The following RHOXF1 variants were observed in gnomAD, a reference collection of about 807,000 sequenced individuals.
RHOXF1 encodes the protein PEPP subfamily gene 1.
In RHOXF1, 1 loss-of-function variant was observed where a neutral mutation model predicts 9.7. The observed-to-expected ratio is 0.10, with a 90% CI of 0.04 to 0.49. The LOEUF (loss-of-function observed/expected upper bound fraction) is 0.49. Ranked by LOEUF, RHOXF1 falls within the 20% of genes least tolerant of loss-of-function variation. The probability of loss-of-function intolerance (pLI) is 0.95; values close to 1 mark genes in which losing one functional copy is unlikely to be tolerated. For missense variants in RHOXF1, 179 were observed against 168.0 expected (o/e 1.07, Z -0.36); for synonymous variants, 72 against 70.2 (o/e 1.03, Z -0.13).
rs781915692 is a variant in RHOXF1 at position 120,115,455 on chromosome X, G to A, written c.398+10C>T. On this transcript the variant is annotated intron_variant, in intron 1 of 2. Transcript: ENST00000217999. ...TGGAGATCTCGTGGCTCCTGGAGCA[G>A]GCCACTTACCTTGTGGGCACATCAG... is the stretch of plus-strand genomic sequence containing the variant. 1.8e-6 allele frequency: 2 copies of A among 1,087,321 alleles called. No individual in the cohort carries two copies. The highest frequency in any genetic ancestry group is 3.3e-5 in the East Asian group (1 of 29,944). 89.6% of individuals were successfully genotyped at this position (1,087,321 alleles called of 1,213,427 possible). A position where few individuals can be genotyped will look rare whatever the true frequency, so the allele number is the denominator to read the frequency against.
At position 120,109,801 on chromosome X, in the gene RHOXF1, A is replaced by T. The variant is rs145747578; in HGVS notation, c.445-499T>A. Among the ~76,000 whole-genome samples, 834 of 110,658 alleles carry T rather than the reference A, an allele frequency of 7.5e-3. 7 individuals are homozygous for T. Among genetic ancestry groups the T allele is most frequent in the African/African-American group, 0.026 (798 of 30,411 alleles). On this transcript the variant is annotated intron_variant, in intron 2 of 2. Coordinates refer to ENST00000217999, the MANE Select transcript of RHOXF1 (RefSeq NM_139282.3). Reference sequence around the variant, plus strand: ...GGTCTCGCTATGTTGCCCAGGCTGGACTTGAGCTCCTGGCCTCAAGTGATC... The same window carrying T: ...GGTCTCGCTATGTTGCCCAGGCTGGTCTTGAGCTCCTGGCCTCAAGTGATC...
chrX:120,115,964 C>T (rs1243722680), upstream of RHOXF1: 2 of 756,433 alleles, frequency 2.6e-6, no homozygotes, highest in Non-Finnish European at 3.5e-6. Context: ...GTATTGGTTA[C>T]AGTTGCAATG....
At position 120,109,371 on chromosome X, in the gene RHOXF1, G is replaced by A. The variant is rs2057255039; in HGVS notation, c.445-69C>T. 26 of 609,039 alleles carry A rather than the reference G, an allele frequency of 4.3e-5. No homozygotes were observed. The South Asian group carries it at 7.9e-4, about 18-fold the overall frequency. 50.2% of individuals were successfully genotyped at this position (609,039 alleles called of 1,213,427 possible). The stretch of plus-strand genomic sequence containing the variant: ...GTTAATGTCGTAATAGAAAAACACA[G>A]GATGCAACTTTATATGCTATTGAGA... On this transcript the variant is annotated intron_variant, in intron 2 of 2. Coordinates refer to ENST00000217999, the MANE Select transcript of RHOXF1 (RefSeq NM_139282.3).
At chrX:120,112,453 A>ATATATGTATTATATATAATACACATT (rs2057271140) in intron 2 of RHOXF1, among the ~76,000 whole-genome samples, 1 of 955 alleles carries the variant, frequency 1.0e-3, no homozygotes, top group Admixed American at 9.4e-3. Flanking sequence ...TATAATACAC[A>ATATATGTATTATATATAATACACATT]TATGTATAAT....
intron 2 of RHOXF1, among the ~76,000 whole-genome samples, chrX:120,111,552 G>A (rs983480878): frequency 1.8e-5 from 2 of 111,799 alleles, no homozygotes; most frequent in African/African-American, 6.5e-5. Flanking sequence ...TGAATCCTAT[G>A]ACCTACTAAT....
At chrX:120,112,523 A>G (rs904162200) in intron 2 of RHOXF1, among the ~76,000 whole-genome samples, 6 of 107,086 alleles carry the variant, frequency 5.6e-5, no homozygotes, top group African/African-American at 6.6e-5. Flanking sequence ...TATAATACAC[A>G]TATGTATTAT....
chrX:120,112,920 G>C lies in RHOXF1; in HGVS notation c.399-6C>G, dbSNP rs1556000050. 1.7e-6 allele frequency: 2 copies of C among 1,162,305 alleles called. No individual in the cohort carries two copies. Among genetic ancestry groups the C allele is most frequent in the East Asian group, 6.0e-5 (2 of 33,610 alleles). On this transcript the variant is annotated splice_polypyrimidine_tract_variant and splice_region_variant and intron_variant, in intron 1 of 2. Transcript: ENST00000217999. ...AGTTTTCGGCAAGTTCCCTTCTGTG[G>C]AGAGAAGATCACACATGGTTAGTAT...
upstream of RHOXF1, chrX:120,119,848 T>A (rs1054989493): frequency 1.5e-4 from 17 of 111,959 alleles, no homozygotes; most frequent in Non-Finnish European, 2.8e-4. Context: ...CACTTTTTTT[T>A]AAGCTGATTT....
In RHOXF1 at chrX:120,109,112, G is replaced by A. The variant is rs1555999368; in HGVS notation, c.*80C>T. On this transcript the variant is annotated 3_prime_UTR_variant, in exon 3 of 3. Transcript: ENST00000217999. ...CAGAGGAGATAAGGGTAGCCTGAGC[G>A]GCATGGGCAGCCCAGGTGTCAGTGG... 7 of 545,096 alleles carry A rather than the reference G, an allele frequency of 1.3e-5. No individual in the cohort carries two copies. The highest frequency in any genetic ancestry group is 3.6e-4 in the Middle Eastern group (1 of 2,761). 44.9% of individuals were successfully genotyped at this position (545,096 alleles called of 1,213,427 possible). A position where few individuals can be genotyped will look rare whatever the true frequency, so the allele number is the denominator to read the frequency against.
In RHOXF1 at chrX:120,115,650, G is replaced by C; in HGVS notation, c.213C>G (p.Gly71=). Residue 71 remains glycine (G), a synonymous_variant, in exon 1 of 3, where the codon GGC becomes GGG. Coordinates refer to ENST00000217999, the MANE Select transcript of RHOXF1 (RefSeq NM_139282.3). The stretch of plus-strand genomic sequence containing the variant: ...GCTGCCGAGGCTCCTGGTTTCCACC[G>C]CCGCCCTCGGGGATCATGCCGCCAT... The part of the protein sequence containing the change: ...NRDGGMIPEG[G]GGNQEPRQQP... 8.4e-7 allele frequency: 1 copy of C among 1,188,419 alleles called. No homozygotes were observed. Among genetic ancestry groups the C allele is most frequent in the Non-Finnish European group, 1.1e-6 (1 of 883,430 alleles).
At chrX:120,113,345 T>C (rs1370238169) in intron 1 of RHOXF1, among the ~76,000 whole-genome samples, 1 of 111,042 alleles carries the variant, frequency 9.0e-6, no homozygotes, top group Admixed American at 9.5e-5. Context: ...TTTTGCCATG[T>C]TGGCCAGGCT....
chrX:120,109,342 AAC>A lies in RHOXF1; in HGVS notation c.445-42_445-41del, dbSNP rs782329812. On this transcript the variant is annotated intron_variant, in intron 2 of 2. Transcript: ENST00000217999. The stretch of plus-strand genomic sequence containing the variant: ...AAAAGGGGATTGGTTTAGTATATTG[AAC>A]AGTTAATGTCGTAATAGAAAAACAC... 7 of 827,310 alleles carry A rather than the reference AAC, an allele frequency of 8.5e-6. No individual in the cohort carries two copies. The African/African-American group carries it at 1.2e-4, about 14-fold the overall frequency. 68.2% of individuals were successfully genotyped at this position (827,310 alleles called of 1,213,427 possible).
chrX:120,119,385 G>A (rs896274821), upstream of RHOXF1, among the ~76,000 whole-genome samples: 2 of 112,067 alleles, frequency 1.8e-5, no homozygotes, highest in African/African-American at 3.2e-5. Flanking sequence ...ACATCAGGCC[G>A]TGATTTGTGG....
chrX:120,116,236 G>A (rs1281777914), upstream of RHOXF1, among the ~76,000 whole-genome samples: 2 of 62,123 alleles, frequency 3.2e-5, no homozygotes, highest in East Asian at 1.1e-3. Flanking sequence ...TGGGGGTAGC[G>A]GGTGGAGATG....
At chrX:120,117,893 T>C, upstream of RHOXF1, 1 of 112,223 alleles carries the variant, frequency 8.9e-6, no homozygotes, top group Non-Finnish European at 1.9e-5. Flanking sequence ...TGAATCTATC[T>C]GGTTCTCAGC....
chrX:120,114,882 C>G (rs782754954), intron 1 of RHOXF1, among the ~76,000 whole-genome samples: 1 of 112,039 alleles, frequency 8.9e-6, no homozygotes, highest in East Asian at 2.8e-4. Context: ...TATTATTTAG[C>G]CTTAAAAAGG....
At chrX:120,120,255 A>G (rs1367024526), upstream of RHOXF1, among the ~76,000 whole-genome samples, 1 of 112,102 alleles carries the variant, frequency 8.9e-6, no homozygotes, top group Non-Finnish European at 1.9e-5. Flanking sequence ...AGGAGGAGGC[A>G]GGGAAAAGGT....
At chrX:120,112,461 A>T (rs1392496326) in intron 2 of RHOXF1, among the ~76,000 whole-genome samples, 5,885 of 74,657 alleles carry the variant, frequency 0.079, 497 homozygotes, top group South Asian at 0.22. Flanking sequence ...ACATATGTAT[A>T]ATATATAATA....
chrX:120,115,635 C>A lies in RHOXF1; in HGVS notation c.228G>T (p.Glu76Asp). 1 of 1,180,930 alleles carries A rather than the reference C, an allele frequency of 8.5e-7. No individual in the cohort carries two copies. Among genetic ancestry groups the A allele is most frequent in the Non-Finnish European group, 1.1e-6 (1 of 879,448 alleles). ...MIPEGGGGNQEPRQQPQPPPE... is the reference protein window; with the variant it reads ...MIPEGGGGNQDPRQQPQPPPE... ...GCGGGGGCTGCGGCTGCTGCCGAGG[C>A]TCCTGGTTTCCACCGCCGCCCTCGG... Residue 76 changes from glutamate to aspartate, a missense_variant, in exon 1 of 3, where the codon GAG becomes GAT. Glu to Asp is a conservative substitution (Grantham distance 45). Transcript: ENST00000217999.
Sources: gnomAD v4.1 joint callset for allele counts (sites outside exome capture counted in the v4.1 genomes callset) on GRCh38, gnomAD v4.1.1 for gene constraint, MANE v1.5 for transcripts, NCBI Gene and HGNC (gene_info 2026-07-23, HGNC 2026-07-21) for gene names.